Variants in PARG observed in about 807,000 individuals in gnomAD.
PARG encodes the protein poly(ADP-ribose) glycohydrolase.
PARG carries 35 observed loss-of-function variants against 113.0 expected under a neutral mutation model. That is an observed-to-expected ratio of 0.31 (90% CI 0.24 to 0.41). The LOEUF is 0.41. PARG is among the 10% of genes least tolerant of loss of function. The pLI is 1.00. For synonymous variants in PARG, 330 were observed against 409.9 expected (o/e 0.81, Z 2.36); for missense variants, 797 against 1,169.4 (o/e 0.68, Z 4.64).
At position 49,843,607 on chromosome 10, in the gene PARG, T is replaced by C. The variant is rs77262240; in HGVS notation, c.2379A>G (p.Thr793=). 7.1e-4 allele frequency: 1,103 copies of C among 1,550,666 alleles called. 10 individuals carry two copies. In the East Asian group the frequency reaches 0.021, roughly 30 times the overall value. Residue 793 remains threonine, a synonymous_variant, in exon 14 of 18, where the codon ACA becomes ACG. Transcript: ENST00000616448. ...ITGTEQYSEY[T]GYAETYRWSR... ...ACCAACGATATGTCTCAGCATAGCC[T>C]GTGTATTCACTGTACTGCTCAGTAC...
intron 9 of PARG, among the ~76,000 whole-genome samples, chr10:49,870,276 G>A (rs1846731407): frequency 6.6e-6 from 1 of 150,398 alleles, no homozygotes; most frequent in Non-Finnish European, 1.5e-5. Flanking sequence ...TGCCATGTGA[G>A]GACAAGATGC....
At chr10:49,840,446 C>G (rs529295493) in intron 15 of PARG, among the ~76,000 whole-genome samples, 5 of 151,164 alleles carry the variant, frequency 3.3e-5, no homozygotes, top group African/African-American at 1.2e-4. Context: ...ACAGGCAAAT[C>G]TCTGACTTTC....
At chr10:49,890,432 G>A (rs1340988642) in intron 7 of PARG, among the ~76,000 whole-genome samples, 71 of 151,992 alleles carry the variant, frequency 4.7e-4, no homozygotes, top group African/African-American at 1.7e-3. Context: ...TCATTCATTC[G>A]ATTGGCTGAT....
chr10:49,849,001 G>A (rs1845638183), intron 13 of PARG, among the ~76,000 whole-genome samples: 1 of 151,978 alleles, frequency 6.6e-6, no homozygotes, highest in Non-Finnish European at 1.5e-5. Flanking sequence ...TTCGCGAGCA[G>A]CCTGACCAAC....
At chr10:49,828,768 G>A (rs1337381300) in intron 16 of PARG, among the ~76,000 whole-genome samples, 1 of 152,194 alleles carries the variant, frequency 6.6e-6, no homozygotes, top group African/African-American at 2.4e-5. Context: ...CCAGCTACTT[G>A]GGAGGCTGAA....
chr10:49,869,360 T>C lies in PARG; in HGVS notation c.2068+116A>G, dbSNP rs189704558. ...ATATTGTCGCATCATTACTAGTGTT[T>C]CAATGTGGTTGGGACAGGAAGGTTT... On this transcript the variant is annotated intron_variant, in intron 10 of 17. Coordinates refer to ENST00000616448, the MANE Select transcript of PARG (RefSeq NM_003631.5). 3.3e-3 allele frequency: 2,238 copies of C among 673,396 alleles called. 22 individuals are homozygous for C. Among genetic ancestry groups the C allele is most frequent in the East Asian group, 0.022 (777 of 36,138 alleles). The allele number at this position is 673,396 out of a possible 1,614,324, so 41.7% of individuals were successfully genotyped here. A position where few individuals can be genotyped will look rare whatever the true frequency, so the allele number is the denominator to read the frequency against.
intron 7 of PARG, among the ~76,000 whole-genome samples, chr10:49,911,127 A>G (rs1564650515): frequency 6.6e-6 from 1 of 152,076 alleles, no homozygotes. Context: ...TACTAAAAAT[A>G]CAAAAATTAG....
In PARG at chr10:49,819,247, A is replaced by G; in HGVS notation, c.*93T>C. The G allele has an allele frequency of 9.9e-7, 1 of 1,014,432 alleles. No individual in the cohort carries two copies. The highest frequency in any genetic ancestry group is 1.7e-5 in the South Asian group (1 of 59,844). 62.8% of individuals were successfully genotyped at this position (1,014,432 alleles called of 1,614,324 possible). ...ACAAATGTGGATTATGTACACATTT[A>G]TATTAACTTAAGTCAATTCATATAT... On this transcript the variant is annotated 3_prime_UTR_variant, in exon 18 of 18. Transcript: ENST00000616448.
At chr10:49,897,292 G>C (rs545700552) in intron 7 of PARG, among the ~76,000 whole-genome samples, 1 of 152,222 alleles carries the variant, frequency 6.6e-6, no homozygotes, top group African/African-American at 2.4e-5. Flanking sequence ...CTAGTATTAT[G>C]ATGATGATGA....
intron 13 of PARG, among the ~76,000 whole-genome samples, chr10:49,850,483 G>C (rs1281288586): frequency 6.6e-6 from 1 of 152,202 alleles, no homozygotes; most frequent in African/African-American, 2.4e-5. Context: ...TAAGGGGGTA[G>C]AGAAACCACA....
rs375479140 is a variant in PARG at position 49,878,837 on chromosome 10, T to C, written c.1988+836A>G. 7.8e-4 allele frequency among the ~76,000 whole-genome samples: 118 copies of C among 151,562 alleles called. 1 individual carries two copies. The East Asian group carries it at 0.018, about 24-fold the overall frequency. ...GGAAAGGGGCACAGATTATAGCAAT[T>C]TTCTCAAGTCTCACACTGAAATCAG... is the stretch of plus-strand genomic sequence containing the variant. On this transcript the variant is annotated intron_variant, in intron 9 of 17. Coordinates refer to ENST00000616448, the MANE Select transcript of PARG (RefSeq NM_003631.5).
intron 15 of PARG, 30 bp from the exon 16 acceptor site, chr10:49,832,938 T>A: frequency 8.4e-7 from 1 of 1,184,572 alleles, no homozygotes; most frequent in Non-Finnish European, 1.2e-6. Flanking sequence ...TCAAAGCCTG[T>A]GAGTGCCTAG....
intron 7 of PARG, among the ~76,000 whole-genome samples, chr10:49,895,219 A>C (rs1848018283): frequency 6.6e-6 from 1 of 152,140 alleles, no homozygotes; most frequent in Non-Finnish European, 1.5e-5. Flanking sequence ...TGTCTTGTTT[A>C]CTGTAGTCTT....
chr10:49,867,034 G>A (rs535774592), intron 10 of PARG: 6 of 151,972 alleles, frequency 3.9e-5, no homozygotes, highest in Non-Finnish European at 7.4e-5. Flanking sequence ...TTACATTTCC[G>A]AAACTGGAAC....
chr10:49,834,303 T>C (rs1401382748), intron 15 of PARG, among the ~76,000 whole-genome samples: 1 of 152,222 alleles, frequency 6.6e-6, no homozygotes, highest in East Asian at 1.9e-4. Flanking sequence ...CAGAATTTTC[T>C]AACATGCCTA....
chr10:49,820,615 G>T (rs924432976), intron 16 of PARG, among the ~76,000 whole-genome samples: 1 of 151,780 alleles, frequency 6.6e-6, no homozygotes, highest in Non-Finnish European at 1.5e-5. Context: ...CCAGCTACTC[G>T]GGAGGCTGAA....
chr10:49,908,781 A>C (rs1296775130), intron 7 of PARG, among the ~76,000 whole-genome samples: 2 of 152,230 alleles, frequency 1.3e-5, no homozygotes, highest in East Asian at 1.9e-4. Context: ...CCAAACCAAA[A>C]CAAAACAAAA....
At chr10:49,828,132 A>G (rs941512785) in intron 16 of PARG, among the ~76,000 whole-genome samples, 32 of 131,630 alleles carry the variant, frequency 2.4e-4, no homozygotes, top group African/African-American at 8.6e-4. Context: ...AGCTCCTTCT[A>G]CCCCAACCAT....
intron 9 of PARG, among the ~76,000 whole-genome samples, chr10:49,878,883 T>A (rs1319169829): frequency 6.6e-6 from 1 of 151,654 alleles, no homozygotes; most frequent in Non-Finnish European, 1.5e-5. Flanking sequence ...TCATATATTC[T>A]ATTCATGGGT....
Sources: gnomAD v4.1 joint callset for allele counts (sites outside exome capture counted in the v4.1 genomes callset) on GRCh38, gnomAD v4.1.1 for gene constraint, MANE v1.5 for transcripts, NCBI Gene and HGNC (gene_info 2026-07-23, HGNC 2026-07-21) for gene names.